Variants in DACH2 observed in about 807,000 individuals in gnomAD.
DACH2 encodes dachshund homolog 2.
In DACH2, 17 loss-of-function variants were observed where a neutral mutation model predicts 35.8. That is an observed-to-expected ratio of 0.48 (90% CI 0.33 to 0.71). DACH2 has a LOEUF of 0.71. DACH2 is among the 30% of genes least tolerant of loss of function. The pLI, the probability that DACH2 is intolerant of heterozygous loss-of-function variation, is 0.02. For missense variants in DACH2, 469 were observed against 472.7 expected (o/e 0.99, Z 0.07); for synonymous variants, 195 against 177.3 (o/e 1.10, Z -0.79).
intron 3 of DACH2, among the ~76,000 whole-genome samples, chrX:86,626,098 T>C (rs1354467857): frequency 8.9e-6 from 1 of 111,875 alleles, no homozygotes; most frequent in African/African-American, 3.3e-5. Context: ...TATGAACCTG[T>C]AAAATCAAAA....
intron 1 of DACH2, among the ~76,000 whole-genome samples, chrX:86,372,233 G>A (rs998531422): frequency 2.6e-4 from 29 of 111,060 alleles, no homozygotes; most frequent in Admixed American, 2.3e-3. Context: ...CAACTTCAAA[G>A]GTCAAAGACT....
intron 4 of DACH2, among the ~76,000 whole-genome samples, chrX:86,691,307 A>C (rs1348544610): frequency 3.6e-5 from 4 of 111,570 alleles, no homozygotes; most frequent in Non-Finnish European, 7.5e-5. Flanking sequence ...TTTGTAGCTA[A>C]GGCTTTTAAG....
intron 4 of DACH2, among the ~76,000 whole-genome samples, chrX:86,688,182 A>AT (rs1216998663): frequency 8.9e-6 from 1 of 112,321 alleles, no homozygotes; most frequent in Non-Finnish European, 1.9e-5. Context: ...CATTCTGGTC[A>AT]TGCAACCAAG....
intron 1 of DACH2, among the ~76,000 whole-genome samples, chrX:86,323,884 A>G (rs942219333): frequency 8.9e-6 from 1 of 112,227 alleles, no homozygotes; most frequent in Non-Finnish European, 1.9e-5. Context: ...TGGCTCATTA[A>G]TCAGCTGACA....
chrX:86,667,626 C>CAGGCAGG (rs1569463779), intron 4 of DACH2, among the ~76,000 whole-genome samples: 2 of 107,916 alleles, frequency 1.9e-5, no homozygotes, highest in East Asian at 3.0e-4. Context: ...GGCAGGCAGG[C>CAGGCAGG]CCTGGTCTTA....
intron 7 of DACH2, among the ~76,000 whole-genome samples, chrX:86,795,081 T>C (rs5969002): frequency 0.23 from 24,807 of 110,252 alleles, 2,563 homozygotes; most frequent in South Asian, 0.4. Flanking sequence ...TGGAAAAATG[T>C]CTAATGGGAA....
Position 86,180,736 on chromosome X carries a change from A to G in DACH2, c.488+31628A>G, listed in dbSNP as rs150267287. Among the ~76,000 whole-genome samples the G allele has an allele frequency of 2.6e-3, 293 of 111,588 alleles. 5 individuals are homozygous for G. The East Asian group carries it at 0.056, about 21-fold the overall frequency. On this transcript the variant is annotated intron_variant, in intron 1 of 11. Coordinates refer to ENST00000373125, the MANE Select transcript of DACH2 (RefSeq NM_053281.3). Reference sequence around the variant, plus strand: ...CATCTTTTCTTTTTTAAGGGTAGGCATCAAACTACAGTCTATCTGTGTTTA... The same window carrying G: ...CATCTTTTCTTTTTTAAGGGTAGGCGTCAAACTACAGTCTATCTGTGTTTA...
chrX:86,349,947 C>T (rs1182994981), intron 1 of DACH2, among the ~76,000 whole-genome samples: 1 of 111,790 alleles, frequency 8.9e-6, no homozygotes, highest in Admixed American at 9.5e-5. Flanking sequence ...GGGCTGATCA[C>T]TTGAGGTCAG....
At chrX:86,186,941 A>G (rs2031698637) in intron 1 of DACH2, among the ~76,000 whole-genome samples, 2 of 111,940 alleles carry the variant, frequency 1.8e-5, no homozygotes, top group South Asian at 7.4e-4. Context: ...CTAGTCTCAT[A>G]ATAACTAAAT....
At chrX:86,307,298 T>A (rs763046883) in intron 1 of DACH2, among the ~76,000 whole-genome samples, 40 of 111,542 alleles carry the variant, frequency 3.6e-4, no homozygotes, top group African/African-American at 1.3e-3. Flanking sequence ...TGTAGAAAAA[T>A]AGACACAAGT....
chrX:86,392,822 GAA>G (rs1569375122), intron 2 of DACH2, among the ~76,000 whole-genome samples: 11 of 111,445 alleles, frequency 9.9e-5, no homozygotes, highest in African/African-American at 3.6e-4. Context: ...CTTGCTCTTA[GAA>G]TAAAGTTAAA....
intron 2 of DACH2, among the ~76,000 whole-genome samples, chrX:86,397,199 T>G (rs1181583069): frequency 1.8e-5 from 2 of 111,012 alleles, no homozygotes; most frequent in Admixed American, 9.6e-5. Flanking sequence ...TTTGTCTGTT[T>G]TTGGTGTATA....
chrX:86,692,278 A>G (rs1180019374), intron 4 of DACH2, among the ~76,000 whole-genome samples: 1 of 111,443 alleles, frequency 9.0e-6, no homozygotes, highest in Non-Finnish European at 1.9e-5. Context: ...CAAGTTTGTT[A>G]CATATGTATA....
chrX:86,388,428 A>C (rs1222295039), intron 2 of DACH2, among the ~76,000 whole-genome samples: 2 of 111,360 alleles, frequency 1.8e-5, no homozygotes, highest in Non-Finnish European at 3.8e-5. Flanking sequence ...TAGGGCCCTC[A>C]TGTCTCCCAT....
intron 2 of DACH2, among the ~76,000 whole-genome samples, chrX:86,501,229 GA>G (rs1301421549): frequency 8.9e-6 from 1 of 112,276 alleles, no homozygotes; most frequent in Non-Finnish European, 1.9e-5. Flanking sequence ...GGCCCAAGGT[GA>G]AATCCTGTTG....
At chrX:86,790,036 C>A (rs980261032) in intron 7 of DACH2, among the ~76,000 whole-genome samples, 2 of 111,811 alleles carry the variant, frequency 1.8e-5, no homozygotes. Flanking sequence ...AAAAATATTT[C>A]ACATGTGTAC....
intron 2 of DACH2, among the ~76,000 whole-genome samples, chrX:86,383,114 A>AT (rs2036071100): frequency 1.8e-5 from 2 of 110,636 alleles, no homozygotes; most frequent in African/African-American, 3.3e-5. Flanking sequence ...GGGTTAGCTA[A>AT]TTTTTTTCAT....
intron 1 of DACH2, among the ~76,000 whole-genome samples, chrX:86,307,062 G>C (rs2034702912): frequency 8.9e-6 from 1 of 111,816 alleles, no homozygotes. Context: ...GCTCATGAAA[G>C]GCAAGGAGTT....
chrX:86,807,314 A>G (rs2042354288), intron 7 of DACH2, among the ~76,000 whole-genome samples: 1 of 112,218 alleles, frequency 8.9e-6, no homozygotes, highest in Admixed American at 9.5e-5. Flanking sequence ...ACTTTGGATC[A>G]GAAATTATTC....
Sources: allele counts gnomAD v4.1 joint callset (sites outside exome capture counted in the v4.1 genomes callset), GRCh38; gene constraint gnomAD v4.1.1; transcripts MANE v1.5; gene names NCBI Gene and HGNC (gene_info 2026-07-23, HGNC 2026-07-21).